Variants in FECH observed in about 807,000 individuals in gnomAD.
The protein encoded by FECH is ferrochelatase.
A neutral mutation model predicts 56.9 loss-of-function variants in FECH; 40 were observed. The ratio of observed to expected loss-of-function variants is 0.70; its 90% confidence interval spans 0.55 to 0.92. The LOEUF (loss-of-function observed/expected upper bound fraction) is 0.92, where lower values mean the gene tolerates loss of function less well. FECH is among the 40% of genes least tolerant of loss of function. The pLI is 0.00. For synonymous variants in FECH, 175 were observed against 198.6 expected (o/e 0.88, Z 1.00); for missense variants, 431 against 529.1 (o/e 0.81, Z 1.82).
At position 57,562,658 on chromosome 18, in the gene FECH, T is replaced by C. The variant is rs192522340; in HGVS notation, c.705+216A>G. ...TGTTATGGTTTGGGACTAATAGCAT[T>C]AATCTGAAGAAAGAAGAGTCTAGTC... On this transcript the variant is annotated intron_variant, in intron 6 of 10. Coordinates refer to ENST00000262093, the MANE Select transcript of FECH (RefSeq NM_000140.5). 3.2e-4 allele frequency among the ~76,000 whole-genome samples: 48 copies of C among 152,352 alleles called. No homozygotes were observed. In the East Asian group the frequency reaches 8.1e-3, roughly 26 times the overall value.
intron 7 of FECH, among the ~76,000 whole-genome samples, chr18:57,555,966 T>G (rs1028841128): frequency 6.6e-6 from 1 of 152,084 alleles, no homozygotes; most frequent in African/African-American, 2.4e-5. Context: ...CTGTCTGTAC[T>G]AAAAATACAA....
intron 1 of FECH, among the ~76,000 whole-genome samples, chr18:57,583,418 G>C (rs1235997905): frequency 1.3e-5 from 2 of 152,228 alleles, no homozygotes; most frequent in Non-Finnish European, 2.9e-5. Flanking sequence ...CTGGGCCTGG[G>C]CCACTCACTG....
intron 5 of FECH, 43 bp from the exon 6 acceptor site, chr18:57,563,023 G>C (rs1002750561): frequency 4.6e-6 from 7 of 1,520,924 alleles, no homozygotes; most frequent in Non-Finnish European, 5.5e-6. Flanking sequence ...TTTTGATTAT[G>C]GTGAAAATAA....
rs1390886938 is a variant in FECH at position 57,554,384 on chromosome 18, G to C, written c.953C>G (p.Ser318Cys). 1 of 1,614,212 alleles carries C rather than the reference G, an allele frequency of 6.2e-7. No individual in the cohort carries two copies. Among genetic ancestry groups the C allele is most frequent in the Admixed American group, 1.7e-5 (1 of 60,030 alleles). The part of the protein sequence containing the change: ...MPWLGPQTDE[S>C]IKGLCERGRK... ...CCCCCTCTCACAAAGCCCTTTGATA[G>C]ATTCGTCTGTTTGAGGACCCAACCA... The change falls in exon 9 of 11, where the codon TCT (serine) becomes TGT (cysteine). Residue 318 changes from serine (S) to cysteine (C), a missense_variant. Coordinates refer to ENST00000262093, the MANE Select transcript of FECH (RefSeq NM_000140.5).
chr18:57,584,480 G>GA (rs1272018870), intron 1 of FECH, among the ~76,000 whole-genome samples: 1 of 151,624 alleles, frequency 6.6e-6, no homozygotes, highest in Non-Finnish European at 1.5e-5. Flanking sequence ...AGGAAAAACA[G>GA]AAAAAAAAGT....
rs765164909 is a variant in FECH at position 57,554,347 on chromosome 18, G to C, written c.990C>G (p.Ile330Met). The change falls in exon 9 of 11, where the codon ATC becomes ATG. Residue 330 changes from isoleucine to methionine, a missense_variant. Coordinates refer to ENST00000262093, the MANE Select transcript of FECH (RefSeq NM_000140.5). ...KGLCERGRKN[I>M]LLVPIAFTSD... ...TGGTAAATGCTATCGGAACCAAGAG[G>C]ATATTCTTCCTCCCCCTCTCACAAA... 23 of 1,614,062 alleles carry C rather than the reference G, an allele frequency of 1.4e-5. No individual in the cohort carries two copies. The highest frequency in any genetic ancestry group is 1.9e-5 in the Non-Finnish European group (22 of 1,180,036).
chr18:57,579,738 C>T (rs775478597), intron 2 of FECH, among the ~76,000 whole-genome samples: 3 of 152,218 alleles, frequency 2.0e-5, no homozygotes, highest in South Asian at 2.1e-4. Context: ...ACAGAACATA[C>T]ATTTCATAGG....
At chr18:57,557,941 A>C (rs1309982293) in intron 7 of FECH, among the ~76,000 whole-genome samples, 1 of 152,220 alleles carries the variant, frequency 6.6e-6, no homozygotes, top group Admixed American at 6.5e-5. Context: ...GAAAAGGAAA[A>C]GCAAACCCAT....
intron 4 of FECH, among the ~76,000 whole-genome samples, chr18:57,568,256 C>G (rs1054318636): frequency 2.0e-5 from 3 of 152,166 alleles, no homozygotes; most frequent in African/African-American, 7.2e-5. Context: ...AGGTTACGGT[C>G]TAAATGCCTA....
intron 4 of FECH, chr18:57,567,995 G>C (rs1172762248): frequency 2.6e-5 from 4 of 152,164 alleles, no homozygotes; most frequent in Non-Finnish European, 5.9e-5. Context: ...CATATCACAG[G>C]ACATGATCCC....
Position 57,568,992 on chromosome 18 carries a change from G to A in FECH, c.463+2400C>T, listed in dbSNP as rs147790754. 1.1e-4 allele frequency among the ~76,000 whole-genome samples: 17 copies of A among 152,230 alleles called. No homozygotes were observed. In the East Asian group the frequency reaches 3.3e-3, roughly 29 times the overall value. ...TTACCATCCCCATTTTCTAGCTGAG[G>A]CTTAGTTAAGTAAGTAAACTGCCTG... is the stretch of plus-strand genomic sequence containing the variant. On this transcript the variant is annotated intron_variant, in intron 4 of 10. Transcript: ENST00000262093.
In FECH at chr18:57,551,333, T is replaced by C. The variant is rs2050795449; in HGVS notation, c.1119A>G (p.Gly373=). ...ENIRRAESLN[G]NPLFSKALAD... ...TAGATACCTTAGAGAACAATGGATT[T>C]CCATTAAGAGACTCAGCTCTTCTGA... Residue 373 remains glycine (G), a synonymous_variant, in exon 10 of 11, where the codon GGA becomes GGG. Transcript: ENST00000262093. The C allele has an allele frequency of 1.9e-6, 3 of 1,612,846 alleles. No homozygotes were observed. The highest frequency in any genetic ancestry group is 2.7e-5 in the African/African-American group (2 of 75,020).
In FECH at chr18:57,554,286, C is replaced by G; in HGVS notation, c.1051G>C (p.Glu351Gln). 6.2e-7 allele frequency: 1 copy of G among 1,614,178 alleles called. No individual in the cohort carries two copies. The change falls in exon 9 of 11, where the codon GAG becomes CAG. Residue 351 changes from glutamate to glutamine, a missense_variant. Coordinates refer to ENST00000262093, the MANE Select transcript of FECH (RefSeq NM_000140.5). Reference sequence around the variant, plus strand: ...TCCTTGGCTAAAACTTGAGAGTACTCGATGTCCAGCTCATACAGCGTTTCA... The same window carrying G: ...TCCTTGGCTAAAACTTGAGAGTACTGGATGTCCAGCTCATACAGCGTTTCA... ...HIETLYELDI[E>Q]YSQVLAKECG...
intron 3 of FECH, 160 bp downstream of exon 3, chr18:57,573,086 C>T (rs761689694): frequency 3.9e-6 from 3 of 764,564 alleles, no homozygotes; most frequent in Non-Finnish European, 6.4e-6. Context: ...CTGCAATTTT[C>T]TGATATCATA....
In FECH at chr18:57,560,864, C is replaced by A. The variant is rs77024495; in HGVS notation, c.706-1621G>T. 6.5e-3 allele frequency among the ~76,000 whole-genome samples: 993 copies of A among 152,210 alleles called. 9 individuals carry two copies. Among genetic ancestry groups the A allele is most frequent in the African/African-American group, 0.023 (942 of 41,516 alleles). ...TGGTCAGTGAAAACTATGGGATAAG[C>A]AAACTATTCCCTAATAAATATTGAG... On this transcript the variant is annotated intron_variant, in intron 6 of 10. Transcript: ENST00000262093.
chr18:57,574,469 C>T (rs1167658560), intron 2 of FECH, among the ~76,000 whole-genome samples: 1 of 152,192 alleles, frequency 6.6e-6, no homozygotes, highest in Non-Finnish European at 1.5e-5. Context: ...AGAATCAACC[C>T]CTGAATAAGC....
chr18:57,585,401 C>A (rs2051353190), intron 1 of FECH, among the ~76,000 whole-genome samples: 3 of 152,196 alleles, frequency 2.0e-5, no homozygotes, highest in Admixed American at 6.5e-5. Flanking sequence ...ACATATTGTT[C>A]CACGACCTCA....
intron 8 of FECH, among the ~76,000 whole-genome samples, 186 bp downstream of exon 8, chr18:57,554,659 A>G (rs1379365515): frequency 1.3e-5 from 2 of 152,150 alleles, no homozygotes; most frequent in African/African-American, 2.4e-5. Context: ...AAACCAATGG[A>G]GCTCCACGAG....
At chr18:57,551,443 T>C (rs1373014458) in intron 9 of FECH, 69 bp from the exon 10 acceptor site, 1 of 1,245,986 alleles carries the variant, frequency 8.0e-7, no homozygotes, top group Non-Finnish European at 1.2e-6. Flanking sequence ...TCAAAGAAAC[T>C]GCTACAAAAA....
Sources: gnomAD v4.1 joint callset for allele counts (sites outside exome capture counted in the v4.1 genomes callset) on GRCh38, gnomAD v4.1.1 for gene constraint, MANE v1.5 for transcripts, NCBI Gene and HGNC (gene_info 2026-07-23, HGNC 2026-07-21) for gene names.